The following ANKRD13C variants were observed in gnomAD, a reference collection of about 807,000 sequenced individuals.
The protein encoded by ANKRD13C is ankyrin repeat domain 13C.
Under a neutral mutation model 65.5 loss-of-function variants are expected in ANKRD13C, and 16 were observed. The ratio of observed to expected loss-of-function variants is 0.24; its 90% confidence interval spans 0.17 to 0.37. The LOEUF is 0.37. Among genes scored for constraint, ANKRD13C ranks in the 10% least tolerant of loss-of-function variants. ANKRD13C has a pLI of 1.00. For missense variants in ANKRD13C, 503 were observed against 655.9 expected (o/e 0.77, Z 2.55); for synonymous variants, 235 against 238.7 (o/e 0.98, Z 0.14).
At chr1:70,297,684 G>C (rs1437019656) in intron 7 of ANKRD13C, among the ~76,000 whole-genome samples, 1 of 150,020 alleles carries the variant, frequency 6.7e-6, no homozygotes, top group Admixed American at 6.6e-5. Flanking sequence ...GGGAGGCCAA[G>C]GCAGGTGGAT....
At chr1:70,340,989 T>C (rs1428886042) in intron 1 of ANKRD13C, among the ~76,000 whole-genome samples, 1 of 151,998 alleles carries the variant, frequency 6.6e-6, no homozygotes, top group Non-Finnish European at 1.5e-5. Context: ...CGCACGCCTG[T>C]AGGCCCGCTA....
rs1417402324 is a variant in ANKRD13C, at chr1:70,271,087, A to T, written c.1395-131T>A. On this transcript the variant is annotated intron_variant, in intron 11 of 12. Transcript: ENST00000370944. Reference sequence around the variant, plus strand: ...GATACTAAGGATGAGTAAATTACAGACTTTATTCCTCCTAACTTTTTACTC... The same window carrying T: ...GATACTAAGGATGAGTAAATTACAGTCTTTATTCCTCCTAACTTTTTACTC... 7.0e-6 allele frequency: 4 copies of T among 571,998 alleles called. No homozygotes were observed. In the East Asian group the frequency reaches 1.2e-4, roughly 17 times the overall value. 35.4% of individuals were successfully genotyped at this position (571,998 alleles called of 1,614,324 possible).
chr1:70,309,379 C>T (rs1341338286), intron 5 of ANKRD13C, among the ~76,000 whole-genome samples: 1 of 150,860 alleles, frequency 6.6e-6, no homozygotes, highest in Non-Finnish European at 1.5e-5. Context: ...AGCCTACTCC[C>T]CAATTTTCAG....
At chr1:70,308,946 A>G (rs892015069) in intron 5 of ANKRD13C, among the ~76,000 whole-genome samples, 1 of 152,116 alleles carries the variant, frequency 6.6e-6, no homozygotes, top group Non-Finnish European at 1.5e-5. Flanking sequence ...TTAGCACAGT[A>G]TTCCAACAGT....
chr1:70,287,170 T>A (rs1417256317), intron 9 of ANKRD13C, among the ~76,000 whole-genome samples: 2 of 152,038 alleles, frequency 1.3e-5, no homozygotes, highest in Non-Finnish European at 2.9e-5. Context: ...GTAAGATTTA[T>A]ACCCTGAACA....
intron 1 of ANKRD13C, among the ~76,000 whole-genome samples, chr1:70,337,727 T>C (rs1304343649): frequency 6.6e-6 from 1 of 152,216 alleles, no homozygotes; most frequent in Non-Finnish European, 1.5e-5. Flanking sequence ...TAAGTGACAT[T>C]ATGTTTTTCA....
Position 70,296,181 on chromosome 1 carries a change from T to C in ANKRD13C, c.1002A>G (p.Ser334=), listed in dbSNP as rs371252132. ...DIYSATLSTK[S]ISFTRAQTGW... Reference sequence around the variant, plus strand: ...CTGTCTGGGCACGCGTGAAAGAAATTGATTTTGTTGATAAAGTTGCAGAGT... The same window carrying C: ...CTGTCTGGGCACGCGTGAAAGAAATCGATTTTGTTGATAAAGTTGCAGAGT... Residue 334 remains serine (S), a synonymous_variant, in exon 8 of 13, where the codon TCA becomes TCG. Coordinates refer to ENST00000370944, the MANE Select transcript of ANKRD13C (RefSeq NM_030816.5). 8.7e-5 allele frequency: 141 copies of C among 1,613,942 alleles called. No individual in the cohort carries two copies. Among genetic ancestry groups the C allele is most frequent in the Non-Finnish European group, 1.1e-4 (133 of 1,179,976 alleles).
intron 2 of ANKRD13C, among the ~76,000 whole-genome samples, chr1:70,331,820 C>CAAAAA (rs10526340): frequency 3.0e-4 from 21 of 70,000 alleles, no homozygotes; most frequent in East Asian, 1.0e-3. Flanking sequence ...AGACTCGACT[C>CAAAAA]AAAAAAAAAA....
chr1:70,297,296 T>G (rs1159515727), intron 7 of ANKRD13C, among the ~76,000 whole-genome samples: 2 of 142,990 alleles, frequency 1.4e-5, no homozygotes, highest in East Asian at 4.3e-4. Context: ...GATTTTTTTT[T>G]TTTTTTTTTT....
intron 4 of ANKRD13C, 141 bp from the exon 5 acceptor site, chr1:70,313,931 TTATAA>T (rs1680961768): frequency 2.0e-6 from 1 of 507,676 alleles, no homozygotes; most frequent in African/African-American, 1.9e-5. Context: ...CCTGTATATT[TTATAA>T]TATTTTAATT....
At position 70,278,468 on chromosome 1, in the gene ANKRD13C, C is replaced by T. The variant is rs977425557; in HGVS notation, c.1216-1624G>A. On this transcript the variant is annotated intron_variant, in intron 9 of 12. Coordinates refer to ENST00000370944, the MANE Select transcript of ANKRD13C (RefSeq NM_030816.5). ...AGATCACACCACTGCACTCCATGACCCAAGATCACACCACTGCACTCCAGC... is the reference window on the plus strand; with the variant it reads ...AGATCACACCACTGCACTCCATGACTCAAGATCACACCACTGCACTCCAGC... Among the ~76,000 whole-genome samples, 4 of 151,738 alleles carry T rather than the reference C, an allele frequency of 2.6e-5. No individual in the cohort carries two copies. In the East Asian group the frequency reaches 7.7e-4, roughly 29 times the overall value.
At position 70,261,228 on chromosome 1, in the gene ANKRD13C, T is replaced by C. The variant is rs928014752; in HGVS notation, c.*1489A>G. 3 of 152,150 alleles carry C rather than the reference T, an allele frequency of 2.0e-5. No homozygotes were observed. The highest frequency in any genetic ancestry group is 7.2e-5 in the African/African-American group (3 of 41,460). The allele number at this position is 152,150 out of a possible 1,614,324, so 9.4% of individuals were successfully genotyped here. The stretch of plus-strand genomic sequence containing the variant: ...AACATACGCAATGCATGTATCAGTA[T>C]GGAAGATGCAGCTTTAAAGATGTTT... On this transcript the variant is annotated 3_prime_UTR_variant, in exon 13 of 13. Coordinates refer to ENST00000370944, the MANE Select transcript of ANKRD13C (RefSeq NM_030816.5).
chr1:70,332,238 C>A (rs1344123588), intron 2 of ANKRD13C, among the ~76,000 whole-genome samples: 1 of 152,220 alleles, frequency 6.6e-6, no homozygotes, highest in Admixed American at 6.5e-5. Flanking sequence ...CTATGTCCAA[C>A]ACATGCCCCA....
intron 6 of ANKRD13C, among the ~76,000 whole-genome samples, chr1:70,304,212 T>C (rs1190856728): frequency 6.6e-6 from 1 of 151,800 alleles, no homozygotes; most frequent in Non-Finnish European, 1.5e-5. Context: ...CAGCTAATTT[T>C]TTGTATTTTT....
chr1:70,306,380 T>C, intron 5 of ANKRD13C, 90 bp from the exon 6 acceptor site: 1 of 709,744 alleles, frequency 1.4e-6, no homozygotes. Context: ...TGTGACATTC[T>C]GTTATCAAAT....
At chr1:70,353,061 T>C (rs1467402085) in intron 1 of ANKRD13C, among the ~76,000 whole-genome samples, 1 of 152,226 alleles carries the variant, frequency 6.6e-6, no homozygotes, top group Non-Finnish European at 1.5e-5. Flanking sequence ...ACTGAATGTA[T>C]ACAATTTTCA....
At chr1:70,266,900 T>C (rs1678652098) in intron 12 of ANKRD13C, among the ~76,000 whole-genome samples, 1 of 152,208 alleles carries the variant, frequency 6.6e-6, no homozygotes, top group African/African-American at 2.4e-5. Context: ...GAAATGTATG[T>C]GTATTCTGCT....
At chr1:70,269,082 T>C (rs948055948) in intron 12 of ANKRD13C, among the ~76,000 whole-genome samples, 1 of 147,632 alleles carries the variant, frequency 6.8e-6, no homozygotes, top group African/African-American at 2.5e-5. Flanking sequence ...CCCAGTTGTG[T>C]TTTTTATCCT....
intron 2 of ANKRD13C, among the ~76,000 whole-genome samples, chr1:70,328,151 A>G (rs1681628982): frequency 6.6e-6 from 1 of 152,170 alleles, no homozygotes. Flanking sequence ...TCTATATGGA[A>G]AGCATTTGAA....
Sources: allele counts gnomAD v4.1 joint callset (sites outside exome capture counted in the v4.1 genomes callset), GRCh38; gene constraint gnomAD v4.1.1; transcripts MANE v1.5; gene names NCBI Gene and HGNC (gene_info 2026-07-23, HGNC 2026-07-21).